CADM2: variants seen among roughly 807,000 people sequenced by gnomAD.
CADM2 encodes the protein cell adhesion molecule 2, also known as immunoglobulin superfamily member 4D.
In CADM2, 12 loss-of-function variants were observed where a neutral mutation model predicts 49.8. That is an observed-to-expected ratio of 0.24 (90% CI 0.15 to 0.39). The LOEUF is 0.39. Ranked by LOEUF, CADM2 falls within the 10% of genes least tolerant of loss-of-function variation. The pLI, the probability that CADM2 is intolerant of heterozygous loss-of-function variation, is 1.00. For synonymous variants in CADM2, 214 were observed against 175.4 expected (o/e 1.22, Z -1.74); for missense variants, 378 against 492.3 (o/e 0.77, Z 2.20).
intron 1 of CADM2, among the ~76,000 whole-genome samples, chr3:85,106,574 G>T (rs1012406504): frequency 1.3e-5 from 2 of 152,130 alleles, no homozygotes; most frequent in Non-Finnish European, 2.9e-5. Flanking sequence ...GGAAAATAAA[G>T]ATTAATAAGG....
chr3:85,817,826 C>A (rs1435492026), intron 3 of CADM2, among the ~76,000 whole-genome samples: 1 of 151,154 alleles, frequency 6.6e-6, no homozygotes, highest in Non-Finnish European at 1.5e-5. Context: ...AACAAATAAA[C>A]AAACAAAAAA....
At chr3:85,576,899 G>A (rs1300211585) in intron 1 of CADM2, among the ~76,000 whole-genome samples, 3 of 151,678 alleles carry the variant, frequency 2.0e-5, no homozygotes, top group Admixed American at 1.3e-4. Context: ...TTCTATAATA[G>A]TCTTCTATTG....
intron 1 of CADM2, among the ~76,000 whole-genome samples, chr3:85,688,225 C>T (rs187286349): frequency 6.6e-6 from 1 of 152,002 alleles, no homozygotes; most frequent in East Asian, 1.9e-4. Flanking sequence ...GAGATAGGAC[C>T]GTTTGCATAT....
chr3:86,033,988 C>A (rs1447282685), intron 8 of CADM2, among the ~76,000 whole-genome samples: 1 of 151,530 alleles, frequency 6.6e-6, no homozygotes, highest in Non-Finnish European at 1.5e-5. Flanking sequence ...ACCCACTCTG[C>A]GTATAGCACT....
chr3:85,233,157 G>T (rs1021229944), intron 1 of CADM2, among the ~76,000 whole-genome samples: 3 of 152,162 alleles, frequency 2.0e-5, no homozygotes, highest in African/African-American at 7.2e-5. Flanking sequence ...ATTTCTGTGT[G>T]ATTGTAACTT....
chr3:85,401,444 GGGAGACCCATCCCAGCGGAAA>G (rs1436113782), intron 1 of CADM2, among the ~76,000 whole-genome samples: 1 of 152,112 alleles, frequency 6.6e-6, no homozygotes, highest in Non-Finnish European at 1.5e-5. Flanking sequence ...CTTGGTGGGT[GGGAGACCCATCCCAGCGGAAA>G]CTTGGTTGGC....
chr3:85,268,331 T>C (rs113432728), intron 1 of CADM2, among the ~76,000 whole-genome samples: 1,820 of 151,622 alleles, frequency 0.012, 36 homozygotes, highest in African/African-American at 0.041. Context: ...ATTAAAATGA[T>C]TTTCATTAGG....
At chr3:85,419,463 A>G (rs2036070885) in intron 1 of CADM2, among the ~76,000 whole-genome samples, 1 of 152,106 alleles carries the variant, frequency 6.6e-6, no homozygotes, top group African/African-American at 2.4e-5. Context: ...GTCTCGAAAA[A>G]AAAAAAAAAA....
At chr3:85,440,881 C>T (rs1201545317) in intron 1 of CADM2, among the ~76,000 whole-genome samples, 2 of 151,936 alleles carry the variant, frequency 1.3e-5, no homozygotes, top group African/African-American at 4.8e-5. Context: ...ATTTACGAGG[C>T]TGAGAGAGGA....
At chr3:85,556,669 C>T (rs1000780446) in intron 1 of CADM2, among the ~76,000 whole-genome samples, 7 of 152,070 alleles carry the variant, frequency 4.6e-5, no homozygotes, top group South Asian at 2.1e-4. Flanking sequence ...AGCAGAGAAA[C>T]GATTTATTTC....
intron 1 of CADM2, among the ~76,000 whole-genome samples, chr3:85,400,918 T>C (rs1465716): frequency 0.86 from 131,448 of 152,072 alleles, 56,960 homozygotes; most frequent in East Asian, 0.95. Flanking sequence ...TAGTTGTGAA[T>C]CAGTTGTGTT....
chr3:85,395,296 C>CAAAAAAAAAAAA (rs58315220), intron 1 of CADM2, among the ~76,000 whole-genome samples: 5 of 75,548 alleles, frequency 6.6e-5, no homozygotes, highest in Admixed American at 1.8e-4. Context: ...AGACTCCATA[C>CAAAAAAAAAAAA]AAAAAAAAAA....
At chr3:85,863,155 G>A (rs2075599913) in intron 3 of CADM2, among the ~76,000 whole-genome samples, 1 of 152,098 alleles carries the variant, frequency 6.6e-6, no homozygotes, top group Admixed American at 6.6e-5. Flanking sequence ...TAAGATGAAA[G>A]CATTTTATAA....
At chr3:85,904,384 T>C (rs946108644) in intron 5 of CADM2, among the ~76,000 whole-genome samples, 3 of 152,180 alleles carry the variant, frequency 2.0e-5, no homozygotes, top group Non-Finnish European at 4.4e-5. Flanking sequence ...TAAGAAATGC[T>C]GGCAGCCTGC....
chr3:86,003,873 A>G (rs1730467328), intron 8 of CADM2, among the ~76,000 whole-genome samples: 2 of 152,196 alleles, frequency 1.3e-5, no homozygotes, highest in Admixed American at 1.3e-4. Flanking sequence ...GATTATTACT[A>G]TGTAGAAAAA....
intron 1 of CADM2, among the ~76,000 whole-genome samples, chr3:85,594,281 A>G (rs888272544): frequency 1.4e-4 from 22 of 152,028 alleles, no homozygotes; most frequent in African/African-American, 5.1e-4. Context: ...GAACATAACA[A>G]TTTTTATCCT....
chr3:85,018,188 G>A (rs2034334171), intron 1 of CADM2, among the ~76,000 whole-genome samples: 1 of 152,094 alleles, frequency 6.6e-6, no homozygotes. Context: ...TAGCTTAATG[G>A]AAGAACATAG....
At chr3:85,061,524 T>C (rs1484211926) in intron 1 of CADM2, among the ~76,000 whole-genome samples, 2 of 152,120 alleles carry the variant, frequency 1.3e-5, no homozygotes, top group Admixed American at 6.5e-5. Flanking sequence ...ACATCGGGAG[T>C]ATTCCTAACT....
intron 1 of CADM2, among the ~76,000 whole-genome samples, chr3:85,347,760 G>T (rs2030888753): frequency 6.6e-6 from 1 of 150,684 alleles, no homozygotes. Context: ...TCCTGCCTCA[G>T]CCTGCATAGT....
Sources: gnomAD v4.1 joint callset for allele counts (sites outside exome capture counted in the v4.1 genomes callset) on GRCh38, gnomAD v4.1.1 for gene constraint, MANE v1.5 for transcripts, NCBI Gene and HGNC (gene_info 2026-07-23, HGNC 2026-07-21) for gene names.